MYO1D: variants seen among roughly 807,000 people sequenced by gnomAD.
MYO1D encodes the protein unconventional myosin-Id.
MYO1D carries 83 observed loss-of-function variants against 122.0 expected under a neutral mutation model. The ratio of observed to expected loss-of-function variants is 0.68; its 90% CI spans 0.57 to 0.82. The LOEUF (loss-of-function observed/expected upper bound fraction) is 0.82. Ranked by LOEUF, MYO1D falls within the 40% of genes least tolerant of loss-of-function variation. MYO1D has a pLI of 0.00. For missense variants in MYO1D, 1,157 were observed against 1,269.5 expected (o/e 0.91, Z 1.35); for synonymous variants, 464 against 446.9 (o/e 1.04, Z -0.48).
At chr17:32,868,222 C>G (rs1457091356) in intron 1 of MYO1D, among the ~76,000 whole-genome samples, 2 of 152,110 alleles carry the variant, frequency 1.3e-5, no homozygotes, top group Non-Finnish European at 2.9e-5. Flanking sequence ...CAGAGGGGTA[C>G]CCACTGAGTA....
At chr17:32,734,497 GCTT>G (rs1421401383) in intron 14 of MYO1D, among the ~76,000 whole-genome samples, 7 of 151,576 alleles carry the variant, frequency 4.6e-5, no homozygotes, top group African/African-American at 1.5e-4. Flanking sequence ...TCCTTTTCTG[GCTT>G]CTTAAGTTGT....
At chr17:32,815,049 G>A (rs981691300) in intron 1 of MYO1D, among the ~76,000 whole-genome samples, 7 of 152,178 alleles carry the variant, frequency 4.6e-5, no homozygotes, top group Admixed American at 3.9e-4. Context: ...CACATGACAC[G>A]TAACTGCAAG....
At chr17:32,633,074 A>C (rs2088043869) in intron 20 of MYO1D, among the ~76,000 whole-genome samples, 1 of 152,190 alleles carries the variant, frequency 6.6e-6, no homozygotes, top group African/African-American at 2.4e-5. Context: ...AAAATAATTA[A>C]AACTGAACAA....
chr17:32,681,876 G>A (rs2088923196), intron 16 of MYO1D, among the ~76,000 whole-genome samples: 1 of 140,316 alleles, frequency 7.1e-6, no homozygotes, highest in African/African-American at 3.0e-5. Context: ...TTATTAATGT[G>A]TGGGAGTCTA....
At chr17:32,869,224 A>C (rs370932571) in intron 1 of MYO1D, among the ~76,000 whole-genome samples, 1 of 152,168 alleles carries the variant, frequency 6.6e-6, no homozygotes, top group Non-Finnish European at 1.5e-5. Context: ...GTCTCAAAAA[A>C]AAAAAGAGAT....
At chr17:32,790,807 C>CA (rs2090342941) in intron 1 of MYO1D, among the ~76,000 whole-genome samples, 1 of 152,156 alleles carries the variant, frequency 6.6e-6, no homozygotes, top group African/African-American at 2.4e-5. Flanking sequence ...AATAGGTATG[C>CA]ACACACACAC....
chr17:32,745,808 TGAG>T (rs967935304), intron 12 of MYO1D: 3 of 154,206 alleles, frequency 1.9e-5, no homozygotes, highest in Non-Finnish European at 4.3e-5. Flanking sequence ...GGAGAGAGAA[TGAG>T]GAGGCCAGTA....
chr17:32,843,811 T>C (rs1424350526), intron 1 of MYO1D, among the ~76,000 whole-genome samples: 1 of 152,178 alleles, frequency 6.6e-6, no homozygotes, highest in Admixed American at 6.5e-5. Context: ...TTTTTTCCTC[T>C]CCAAATGAAT....
chr17:32,709,882 AC>A (rs1421891547), intron 16 of MYO1D, among the ~76,000 whole-genome samples: 2 of 152,166 alleles, frequency 1.3e-5, no homozygotes, highest in East Asian at 3.8e-4. Context: ...CACCCCAGCA[AC>A]AAAAATAATA....
At chr17:32,804,459 T>G (rs377154059) in intron 1 of MYO1D, among the ~76,000 whole-genome samples, 7 of 152,286 alleles carry the variant, frequency 4.6e-5, no homozygotes, top group African/African-American at 1.7e-4. Context: ...TTAAATATTG[T>G]CCTTTAAGAA....
intron 1 of MYO1D, among the ~76,000 whole-genome samples, chr17:32,787,442 G>T (rs1306101214): frequency 6.7e-6 from 1 of 148,976 alleles, no homozygotes; most frequent in African/African-American, 2.5e-5. Context: ...TTTTTGAGAC[G>T]GAGTCTCACT....
At chr17:32,498,184 A>G (rs1051024258) in intron 21 of MYO1D, 2 of 152,192 alleles carry the variant, frequency 1.3e-5, no homozygotes, top group Admixed American at 1.3e-4. Context: ...TGGACCACGG[A>G]TATTGATCTG....
At chr17:32,843,264 T>G (rs2090901204) in intron 1 of MYO1D, among the ~76,000 whole-genome samples, 1 of 152,200 alleles carries the variant, frequency 6.6e-6, no homozygotes, top group South Asian at 2.1e-4. Context: ...TGAGTGTAGC[T>G]GGAGCCTAAG....
intron 19 of MYO1D, among the ~76,000 whole-genome samples, chr17:32,647,101 A>G (rs1462844307): frequency 6.6e-6 from 1 of 152,224 alleles, no homozygotes; most frequent in Non-Finnish European, 1.5e-5. Context: ...TGATCTGTCT[A>G]TAGGTTTAGT....
chr17:32,570,418 G>A (rs1037405220), intron 21 of MYO1D, among the ~76,000 whole-genome samples: 1 of 151,890 alleles, frequency 6.6e-6, no homozygotes, highest in Non-Finnish European at 1.5e-5. Flanking sequence ...AGGCTGGAGT[G>A]CAGTGGCATG....
At chr17:32,834,259 A>C (rs545009692) in intron 1 of MYO1D, among the ~76,000 whole-genome samples, 10 of 152,336 alleles carry the variant, frequency 6.6e-5, no homozygotes, top group African/African-American at 2.4e-4. Flanking sequence ...GGGAGGGATA[A>C]CAAATTGCTC....
At chr17:32,560,196 A>C (rs1457541927) in intron 21 of MYO1D, among the ~76,000 whole-genome samples, 1 of 152,156 alleles carries the variant, frequency 6.6e-6, no homozygotes, top group Non-Finnish European at 1.5e-5. Context: ...CGGAGGTTGC[A>C]GTGAGCCGAG....
At chr17:32,585,281 T>C (rs1055320278) in intron 21 of MYO1D, among the ~76,000 whole-genome samples, 12 of 152,206 alleles carry the variant, frequency 7.9e-5, no homozygotes, top group African/African-American at 2.9e-4. Flanking sequence ...GTAAATGACA[T>C]TCTAGGCCTG....
intron 16 of MYO1D, among the ~76,000 whole-genome samples, chr17:32,702,551 C>T (rs1332980406): frequency 1.3e-5 from 2 of 151,840 alleles, no homozygotes; most frequent in Non-Finnish European, 2.9e-5. Context: ...AGACTTTCTT[C>T]TCCACTCATT....
Sources: gnomAD v4.1 joint callset for allele counts (sites outside exome capture counted in the v4.1 genomes callset) on GRCh38, gnomAD v4.1.1 for gene constraint, MANE v1.5 for transcripts, NCBI Gene and HGNC (gene_info 2026-07-23, HGNC 2026-07-21) for gene names.